CD200R1L: variants seen among roughly 807,000 people sequenced by gnomAD.
CD200R1L encodes the protein cell surface glycoprotein CD200 receptor 2.
CD200R1L carries 14 observed loss-of-function variants against 24.8 expected under a neutral mutation model. The ratio of observed to expected loss-of-function variants is 0.56; its 90% CI spans 0.37 to 0.88. The LOEUF (loss-of-function observed/expected upper bound fraction) is 0.88. CD200R1L is among the 40% of genes least tolerant of loss of function. CD200R1L has a pLI of 0.00. For synonymous variants in CD200R1L, 111 were observed against 109.2 expected (o/e 1.02, Z -0.11); for missense variants, 299 against 297.8 (o/e 1.00, Z -0.03).
intron 6 of CD200R1L, among the ~76,000 whole-genome samples, chr3:112,825,634 C>A (rs16860128): frequency 0.054 from 8,147 of 151,846 alleles, 356 homozygotes; most frequent in Admixed American, 0.14. Flanking sequence ...TAAAAAAATT[C>A]TTGGATATGA....
At chr3:112,819,204 G>C (rs897832038) in intron 7 of CD200R1L, among the ~76,000 whole-genome samples, 19 of 151,982 alleles carry the variant, frequency 1.3e-4, no homozygotes, top group Non-Finnish European at 2.2e-4. Flanking sequence ...CCCTCAACAC[G>C]TGGGGATTAC....
intron 4 of CD200R1L, among the ~76,000 whole-genome samples, chr3:112,828,870 A>G (rs1200520455): frequency 6.6e-6 from 1 of 152,174 alleles, no homozygotes; most frequent in African/African-American, 2.4e-5. Flanking sequence ...TCTCATCACT[A>G]TAGCATAAGC....
At chr3:112,834,790 A>C (rs1006200170) in intron 3 of CD200R1L, among the ~76,000 whole-genome samples, 7 of 152,218 alleles carry the variant, frequency 4.6e-5, no homozygotes, top group African/African-American at 1.7e-4. Context: ...ACCACTGCAC[A>C]CAGCCAGGCA....
chr3:112,834,731 C>T (rs368366217), intron 3 of CD200R1L, among the ~76,000 whole-genome samples: 12 of 152,310 alleles, frequency 7.9e-5, no homozygotes, highest in East Asian at 1.9e-4. Flanking sequence ...CTGCCAAGGA[C>T]GAGCCAGGCA....
chr3:112,843,464 A>G (rs1455187403), intron 2 of CD200R1L, among the ~76,000 whole-genome samples: 3 of 152,250 alleles, frequency 2.0e-5, no homozygotes, highest in African/African-American at 2.4e-5. Context: ...TCTCCAAACT[A>G]AGCTTCATAA....
intron 2 of CD200R1L, among the ~76,000 whole-genome samples, chr3:112,838,488 A>C (rs1559925953): frequency 1.5e-5 from 2 of 134,768 alleles, no homozygotes; most frequent in African/African-American, 3.2e-5. Flanking sequence ...AAACAAACAA[A>C]CAAAAAAAAA....
chr3:112,835,798 T>C (rs1263126106), intron 3 of CD200R1L, among the ~76,000 whole-genome samples: 3 of 152,346 alleles, frequency 2.0e-5, no homozygotes, highest in Non-Finnish European at 4.4e-5. Flanking sequence ...GTGGCAGGGC[T>C]TCTGCCTGTT....
At chr3:112,817,664 T>G (rs1177742289) in intron 7 of CD200R1L, among the ~76,000 whole-genome samples, 2 of 152,210 alleles carry the variant, frequency 1.3e-5, no homozygotes, top group Admixed American at 1.3e-4. Flanking sequence ...AATTAAATTT[T>G]TGTGGTGTGA....
At chr3:112,835,934 A>C (rs1938931542) in intron 3 of CD200R1L, among the ~76,000 whole-genome samples, 1 of 152,192 alleles carries the variant, frequency 6.6e-6, no homozygotes, top group Non-Finnish European at 1.5e-5. Flanking sequence ...TGGAATGCAC[A>C]GCTCTGGCTG....
At chr3:112,816,948 C>G (rs1316504464) in intron 7 of CD200R1L, among the ~76,000 whole-genome samples, 1 of 152,148 alleles carries the variant, frequency 6.6e-6, no homozygotes, top group Admixed American at 6.5e-5. Flanking sequence ...TTGCCTTACA[C>G]CATGATTATG....
At position 112,826,991 on chromosome 3, in the gene CD200R1L, A is replaced by C; in HGVS notation, c.616+2T>G. On this transcript the variant is annotated splice_donor_variant, in intron 6 of 7. Transcript: ENST00000488794. LOFTEE classifies it high-confidence loss of function. The stretch of plus-strand genomic sequence containing the variant: ...ACTCTTCTACAAGAAACAGGCGCTT[A>C]CCTGAATTCAACTTTACGGACAGAC... 6.3e-7 allele frequency: 1 copy of C among 1,594,898 alleles called. No homozygotes were observed. Among genetic ancestry groups the C allele is most frequent in the Non-Finnish European group, 8.5e-7 (1 of 1,173,006 alleles).
chr3:112,844,799 C>G lies in CD200R1L; in HGVS notation c.-87+880G>C, dbSNP rs968823206. Among the ~76,000 whole-genome samples the G allele has an allele frequency of 9.3e-4, 141 of 152,196 alleles. 1 individual carries two copies. Among genetic ancestry groups the G allele is most frequent in the African/African-American group, 3.2e-3 (134 of 41,504 alleles). ...ATTAGCCAGGTGTGGTGGCGGGTGCCTGTAATCCCAGCTACTCAGGAGGCT... is the reference window on the plus strand; with the variant it reads ...ATTAGCCAGGTGTGGTGGCGGGTGCGTGTAATCCCAGCTACTCAGGAGGCT... On this transcript the variant is annotated intron_variant, in intron 2 of 7. Transcript: ENST00000488794.
At chr3:112,819,679 C>A in intron 7 of CD200R1L, 93 bp downstream of exon 7, 8 of 1,350,670 alleles carry the variant, frequency 5.9e-6, no homozygotes, top group Non-Finnish European at 7.8e-6. Flanking sequence ...AAAAAAGTGT[C>A]AAGCTTTTCC....
chr3:112,827,083 T>C lies in CD200R1L; in HGVS notation c.526A>G (p.Thr176Ala). The C allele has an allele frequency of 6.2e-7, 1 of 1,613,364 alleles. No homozygotes were observed. Among genetic ancestry groups the C allele is most frequent in the Non-Finnish European group, 8.5e-7 (1 of 1,180,014 alleles). The change falls in exon 6 of 8, where the codon ACA becomes GCA. Residue 176 changes from threonine to alanine, a missense_variant. Thr to Ala is a moderately conservative substitution (Grantham distance 58). Transcript: ENST00000488794. ...WGNGTVTVKS[T>A]CPWEGHKSTV... is the part of the protein sequence containing the mutation. ...GACTTGTGGCCCTCCCAGGGGCATGTACTCTTAACCGTCACTGTGCCATTG... is the reference window on the plus strand; with the variant it reads ...GACTTGTGGCCCTCCCAGGGGCATGCACTCTTAACCGTCACTGTGCCATTG...
chr3:112,825,370 A>G (rs908000179), intron 6 of CD200R1L, among the ~76,000 whole-genome samples: 3 of 150,192 alleles, frequency 2.0e-5, no homozygotes, highest in Non-Finnish European at 4.4e-5. Context: ...AAAATGTATT[A>G]TTAAAAAGCT....
At chr3:112,816,390 C>T (rs895039009) in intron 7 of CD200R1L, among the ~76,000 whole-genome samples, 2 of 152,150 alleles carry the variant, frequency 1.3e-5, no homozygotes, top group African/African-American at 2.4e-5. Flanking sequence ...CATGGAGTAA[C>T]GAGTAGAACA....
At chr3:112,836,942 C>G (rs1026248271) in intron 3 of CD200R1L, among the ~76,000 whole-genome samples, 3 of 152,148 alleles carry the variant, frequency 2.0e-5, no homozygotes, top group African/African-American at 7.2e-5. Flanking sequence ...TATGGGAAAA[C>G]TAAATGACAT....
chr3:112,841,507 T>G (rs9850778), intron 2 of CD200R1L, among the ~76,000 whole-genome samples: 3,735 of 152,310 alleles, frequency 0.025, 164 homozygotes, highest in African/African-American at 0.085. Flanking sequence ...AGATTTCTCA[T>G]GTGGGGCAGG....
intron 6 of CD200R1L, among the ~76,000 whole-genome samples, chr3:112,824,209 A>G (rs1163768328): frequency 6.6e-6 from 1 of 152,238 alleles, no homozygotes; most frequent in Non-Finnish European, 1.5e-5. Flanking sequence ...AAAAAAATTA[A>G]GGTAAAATCA....
Sources: allele counts gnomAD v4.1 joint callset (sites outside exome capture counted in the v4.1 genomes callset), GRCh38; gene constraint gnomAD v4.1.1; transcripts MANE v1.5; gene names NCBI Gene and HGNC (gene_info 2026-07-23, HGNC 2026-07-21).